Variants in MAGI2 observed in about 807,000 individuals in gnomAD.
MAGI2 encodes the protein membrane-associated guanylate kinase, WW and PDZ domain-containing protein 2.
In MAGI2, 35 loss-of-function variants were observed where a neutral mutation model predicts 133.3. The observed-to-expected ratio is 0.26, with a 90% CI of 0.20 to 0.35. The LOEUF (loss-of-function observed/expected upper bound fraction) is 0.35, where lower values mean the gene tolerates loss of function less well. Ranked by LOEUF, MAGI2 falls within the 10% of genes least tolerant of loss-of-function variation. The pLI, the probability that MAGI2 is intolerant of heterozygous loss-of-function variation, is 1.00. For missense variants in MAGI2, 1,636 were observed against 1,863.4 expected (o/e 0.88, Z 2.25); for synonymous variants, 729 against 710.6 (o/e 1.03, Z -0.41).
Position 78,238,521 on chromosome 7 carries a change from C to T in MAGI2, c.2047+17422G>A, listed in dbSNP as rs549573895. ...TTCGAGGCTAGCCTGGGCAAAATAA[C>T]GAGAACCTGTCTCAAAAAAAAAATC... is the stretch of plus-strand genomic sequence containing the variant. On this transcript the variant is annotated intron_variant, in intron 10 of 21. Transcript: ENST00000354212. Among the ~76,000 whole-genome samples, 37 of 146,636 alleles carry T rather than the reference C, an allele frequency of 2.5e-4. 1 individual carries two copies. Among genetic ancestry groups the T allele is most frequent in the East Asian group, 2.0e-4 (1 of 5,084 alleles).
At chr7:79,289,634 A>T (rs1836301983) in intron 1 of MAGI2, among the ~76,000 whole-genome samples, 1 of 152,166 alleles carries the variant, frequency 6.6e-6, no homozygotes, top group Non-Finnish European at 1.5e-5. Context: ...GTAAAAGGCA[A>T]ATAAGAATAT....
intron 2 of MAGI2, among the ~76,000 whole-genome samples, chr7:78,981,758 G>A (rs2116187351): frequency 6.6e-6 from 1 of 151,994 alleles, no homozygotes; most frequent in East Asian, 1.9e-4. Flanking sequence ...TGTTTCTACA[G>A]ATAGCTCTGT....
At chr7:78,760,734 A>G (rs546964693) in intron 2 of MAGI2, among the ~76,000 whole-genome samples, 137 of 152,290 alleles carry the variant, frequency 9.0e-4, no homozygotes, top group Middle Eastern at 3.4e-3. Context: ...TTTTATCCCG[A>G]TATGTAAGTG....
At chr7:78,123,813 T>C (rs987453071) in intron 20 of MAGI2, among the ~76,000 whole-genome samples, 1 of 152,180 alleles carries the variant, frequency 6.6e-6, no homozygotes, top group African/African-American at 2.4e-5. Context: ...TCCTAAAACA[T>C]AGCCTGGTGA....
chr7:78,882,086 C>CAAAAAAAAAAAAAAAAAAAAAAAACAA (rs771918590), intron 2 of MAGI2, among the ~76,000 whole-genome samples: 1 of 12,466 alleles, frequency 8.0e-5, no homozygotes, highest in Non-Finnish European at 1.4e-4. Context: ...ACAACAACAA[C>CAAAAAAAAAAAAAAAAAAAAAAAACAA]AAAAAAAAAA....
At position 79,261,570 on chromosome 7, in the gene MAGI2, C is replaced by A. The variant is rs150596074; in HGVS notation, c.301+191450G>T. Among the ~76,000 whole-genome samples, 355 of 152,250 alleles carry A rather than the reference C, an allele frequency of 2.3e-3. 1 individual carries two copies. Among genetic ancestry groups the A allele is most frequent in the Non-Finnish European group, 4.6e-3 (310 of 68,012 alleles). On this transcript the variant is annotated intron_variant, in intron 1 of 21. Coordinates refer to ENST00000354212, the MANE Select transcript of MAGI2 (RefSeq NM_012301.4). The stretch of plus-strand genomic sequence containing the variant: ...CATCTTCTCAGTCACCTCCCTCTGA[C>A]CCCTTTATGTAATGTTTCTACCCAT...
chr7:78,954,902 T>C (rs1370689097), intron 2 of MAGI2, among the ~76,000 whole-genome samples: 1 of 152,180 alleles, frequency 6.6e-6, no homozygotes, highest in Non-Finnish European at 1.5e-5. Flanking sequence ...GGTCTGGTTA[T>C]TATAGATGTG....
intron 2 of MAGI2, among the ~76,000 whole-genome samples, chr7:78,680,434 G>T (rs939654652): frequency 6.6e-6 from 1 of 152,062 alleles, no homozygotes. Flanking sequence ...TTAGGTTTGG[G>T]GTTTGTAAAA....
At chr7:78,486,608 T>G in intron 6 of MAGI2, 3 of 275,662 alleles carry the variant, frequency 1.1e-5, no homozygotes, top group East Asian at 9.0e-5. Context: ...AGATTGGGAG[T>G]TGTGGGTGCA....
chr7:78,098,368 C>T (rs1817903136), intron 20 of MAGI2, among the ~76,000 whole-genome samples: 1 of 152,100 alleles, frequency 6.6e-6, no homozygotes, highest in South Asian at 2.1e-4. Flanking sequence ...GATTCTGCAA[C>T]TTGTTTTTTG....
chr7:78,873,704 G>A (rs950199899), intron 2 of MAGI2, among the ~76,000 whole-genome samples: 7 of 152,044 alleles, frequency 4.6e-5, no homozygotes, highest in Non-Finnish European at 7.4e-5. Flanking sequence ...CCACTCCCTT[G>A]CCCTGTCTGT....
chr7:78,509,331 C>T (rs1795375439), intron 4 of MAGI2: 1 of 152,094 alleles, frequency 6.6e-6, no homozygotes, highest in Non-Finnish European at 1.5e-5. Context: ...TCTATAAAAA[C>T]ATATTTTATT....
At chr7:78,764,346 T>C (rs1824800157) in intron 2 of MAGI2, among the ~76,000 whole-genome samples, 1 of 152,208 alleles carries the variant, frequency 6.6e-6, no homozygotes. Context: ...CTTCAAGATA[T>C]AATGGGAAGT....
intron 6 of MAGI2, among the ~76,000 whole-genome samples, chr7:78,399,137 G>A (rs1261341443): frequency 6.6e-6 from 1 of 152,152 alleles, no homozygotes; most frequent in Admixed American, 6.6e-5. Flanking sequence ...AATCCACAGT[G>A]CAGAATATGA....
At chr7:78,468,657 T>C (rs998400446) in intron 6 of MAGI2, among the ~76,000 whole-genome samples, 1 of 152,198 alleles carries the variant, frequency 6.6e-6, no homozygotes, top group Non-Finnish European at 1.5e-5. Context: ...TAATTGGCTT[T>C]GCTTTTTCAT....
intron 2 of MAGI2, among the ~76,000 whole-genome samples, chr7:79,005,408 A>G (rs1296034759): frequency 6.6e-6 from 1 of 152,180 alleles, no homozygotes; most frequent in Non-Finnish European, 1.5e-5. Flanking sequence ...GTTTACTCAT[A>G]TAAGTCTAGC....
intron 1 of MAGI2, among the ~76,000 whole-genome samples, chr7:79,135,889 T>C: frequency 6.7e-6 from 1 of 148,568 alleles, no homozygotes; most frequent in African/African-American, 2.5e-5. Flanking sequence ...TACAGGGAGC[T>C]GTAACGATGC....
At chr7:79,025,397 G>A (rs756795067) in intron 1 of MAGI2, among the ~76,000 whole-genome samples, 26 of 152,222 alleles carry the variant, frequency 1.7e-4, no homozygotes, top group Admixed American at 2.6e-4. Flanking sequence ...TACTTATTGG[G>A]TGCTATGCTT....
At chr7:78,486,208 A>C (rs1208367105) in intron 6 of MAGI2, 1 of 152,060 alleles carries the variant, frequency 6.6e-6, no homozygotes, top group African/African-American at 2.4e-5. Flanking sequence ...ATCTCCTGAC[A>C]TTTGTCAATT....
Sources: gnomAD v4.1 joint callset for allele counts (sites outside exome capture counted in the v4.1 genomes callset) on GRCh38, gnomAD v4.1.1 for gene constraint, MANE v1.5 for transcripts, NCBI Gene and HGNC (gene_info 2026-07-23, HGNC 2026-07-21) for gene names.